TENT4A: variants seen among roughly 807,000 people sequenced by gnomAD.
The protein encoded by TENT4A is terminal nucleotidyltransferase 4A, also known as DNA polymerase kappa.
Under a neutral mutation model 72.8 loss-of-function variants are expected in TENT4A, and 7 were observed. That is an observed-to-expected ratio of 0.10 (90% CI 0.05 to 0.18). The LOEUF is 0.18. Among genes scored for constraint, TENT4A ranks in the 10% least tolerant of loss-of-function variants. The pLI is 1.00. For synonymous variants in TENT4A, 456 were observed against 434.3 expected (o/e 1.05, Z -0.62); for missense variants, 831 against 1,017.7 (o/e 0.82, Z 2.50).
chr5:6,748,675 A>G (rs1307902451), intron 8 of TENT4A, 85 bp downstream of exon 8: 5 of 1,365,498 alleles, frequency 3.7e-6, no homozygotes, highest in Non-Finnish European at 5.1e-6. Flanking sequence ...CCTCCATGAA[A>G]TTTATGAAGG....
intron 1 of TENT4A, among the ~76,000 whole-genome samples, chr5:6,728,116 G>A (rs1741026703): frequency 6.6e-6 from 1 of 152,258 alleles, no homozygotes; most frequent in Middle Eastern, 3.4e-3. Flanking sequence ...GGGCTGCAGA[G>A]CTGCAGCTGC....
chr5:6,724,231 G>A (rs752948894), intron 1 of TENT4A, among the ~76,000 whole-genome samples: 1 of 152,208 alleles, frequency 6.6e-6, no homozygotes, highest in African/African-American at 2.4e-5. Flanking sequence ...GAGGGCACTG[G>A]TATGTTGGAG....
At chr5:6,728,245 C>G (rs1741037670) in intron 1 of TENT4A, among the ~76,000 whole-genome samples, 1 of 146,612 alleles carries the variant, frequency 6.8e-6, no homozygotes, top group South Asian at 2.2e-4. Context: ...CAGTGAGTGT[C>G]TGGTCACAGC....
At chr5:6,747,424 TAAAA>T (rs918944915) in intron 7 of TENT4A, among the ~76,000 whole-genome samples, 4 of 152,176 alleles carry the variant, frequency 2.6e-5, no homozygotes, top group African/African-American at 9.7e-5. Context: ...CCTATACATT[TAAAA>T]AAACACCTCA....
intron 8 of TENT4A, among the ~76,000 whole-genome samples, chr5:6,749,202 G>A (rs28381403): frequency 0.019 from 2,854 of 152,200 alleles, 35 homozygotes; most frequent in South Asian, 0.049. Context: ...GTTTTCAGGC[G>A]GAGCTCTGGG....
chr5:6,746,072 TC>T, intron 6 of TENT4A, 141 bp from the exon 7 acceptor site: 1 of 1,511,122 alleles, frequency 6.6e-7, no homozygotes, highest in South Asian at 1.3e-5. Context: ...TGTTCAGGCT[TC>T]CTCGTGGTGC....
intron 2 of TENT4A, among the ~76,000 whole-genome samples, chr5:6,738,100 A>T (rs1452329363): frequency 1.3e-5 from 2 of 152,168 alleles, no homozygotes; most frequent in African/African-American, 4.8e-5. Flanking sequence ...CAGTGAAGGA[A>T]CAAGTGTTTT....
intron 1 of TENT4A, among the ~76,000 whole-genome samples, chr5:6,721,305 T>C (rs1416483538): frequency 2.6e-5 from 4 of 152,252 alleles, no homozygotes; most frequent in Non-Finnish European, 4.4e-5. Context: ...TTTTGTTGTT[T>C]GTCTTAGAAT....
chr5:6,747,207 G>A (rs1196016695), intron 7 of TENT4A, among the ~76,000 whole-genome samples: 6 of 152,150 alleles, frequency 3.9e-5, no homozygotes, highest in Non-Finnish European at 5.9e-5. Flanking sequence ...GTTGGCGGAC[G>A]GGTGACAGAA....
At chr5:6,717,963 A>G (rs1293918721) in intron 1 of TENT4A, among the ~76,000 whole-genome samples, 1 of 152,238 alleles carries the variant, frequency 6.6e-6, no homozygotes, top group East Asian at 1.9e-4. Context: ...AGACCCAGGA[A>G]GAATGTAGTT....
chr5:6,730,895 C>A (rs1163437507), intron 1 of TENT4A, among the ~76,000 whole-genome samples: 2 of 151,884 alleles, frequency 1.3e-5, no homozygotes, highest in African/African-American at 4.8e-5. Flanking sequence ...TAAATGGATA[C>A]TTTAAAGAGG....
intron 5 of TENT4A, 22 bp from the exon 6 acceptor site, chr5:6,743,690 C>G: frequency 6.4e-7 from 1 of 1,565,514 alleles, no homozygotes; most frequent in East Asian, 2.3e-5. Flanking sequence ...CTCAGTAAAT[C>G]TTTTTCTTTT....
At chr5:6,717,744 C>T (rs1373431800) in intron 1 of TENT4A, among the ~76,000 whole-genome samples, 1 of 152,236 alleles carries the variant, frequency 6.6e-6, no homozygotes, top group East Asian at 1.9e-4. Context: ...GGTGTTTGGA[C>T]AGGCCCTGGG....
At chr5:6,719,369 A>G (rs1276375285) in intron 1 of TENT4A, among the ~76,000 whole-genome samples, 1 of 152,220 alleles carries the variant, frequency 6.6e-6, no homozygotes, top group Non-Finnish European at 1.5e-5. Flanking sequence ...TTAAGAAAAA[A>G]AAACAGCAAA....
chr5:6,752,401 A>G (rs532129396), intron 11 of TENT4A, among the ~76,000 whole-genome samples: 7 of 152,382 alleles, frequency 4.6e-5, no homozygotes, highest in African/African-American at 1.7e-4. Context: ...GGTTCTCGTT[A>G]GCGCACTTCT....
rs1740255513 is a variant in TENT4A at position 6,714,448 on chromosome 5, C to T, written c.465C>T (p.Gly155=). The change falls in exon 1 of 13, where the codon GGC becomes GGT. Residue 155 remains glycine (G), a synonymous_variant. Coordinates refer to ENST00000230859, the MANE Select transcript of TENT4A (RefSeq NM_006999.6). ...GCGCCTTCTTCAACTTCGCCGACGG[C>T]GCGCCCAGCGCCCCTGGCACAGCCA... ...RGGAFFNFAD[G]APSAPGTANG... 1 of 1,174,426 alleles carries T rather than the reference C, an allele frequency of 8.5e-7. No individual in the cohort carries two copies. The highest frequency in any genetic ancestry group is 1.1e-6 in the Non-Finnish European group (1 of 951,314). 72.8% of individuals were successfully genotyped at this position (1,174,426 alleles called of 1,614,324 possible).
intron 12 of TENT4A, among the ~76,000 whole-genome samples, chr5:6,753,239 A>G (rs777096416): frequency 5.3e-5 from 8 of 152,258 alleles, no homozygotes; most frequent in Non-Finnish European, 1.0e-4. Context: ...ATATAGTTTA[A>G]TTGGTTGCCA....
Position 6,751,079 on chromosome 5 carries a change from A to G in TENT4A, c.1901A>G (p.Gln634Arg), listed in dbSNP as rs775122783. ...TPPCTTPSVY[Q>R]FSLQAPAPLM... ...CCCTGCACAACGCCCAGTGTTTACCAGTTCAGTCTGCAAGCGCCAGCTCCT... is the reference window on the plus strand; with the variant it reads ...CCCTGCACAACGCCCAGTGTTTACCGGTTCAGTCTGCAAGCGCCAGCTCCT... The change falls in exon 11 of 13, where the codon CAG becomes CGG. Residue 634 changes from glutamine to arginine, a missense_variant. Physicochemically the swap from Gln to Arg is conservative, Grantham distance 43. This residue lies in a region of TENT4A where 332 missense variants were observed against 324.3 expected (regional missense o/e 1.02). Transcript: ENST00000230859. 1.2e-6 allele frequency: 2 copies of G among 1,614,178 alleles called. No individual in the cohort carries two copies. Among genetic ancestry groups the G allele is most frequent in the South Asian group, 2.2e-5 (2 of 91,090 alleles).
chr5:6,730,311 A>G (rs1741145585), intron 1 of TENT4A, among the ~76,000 whole-genome samples: 1 of 152,148 alleles, frequency 6.6e-6, no homozygotes, highest in African/African-American at 2.4e-5. Flanking sequence ...GAAGGGGAAA[A>G]AAGGCTTACA....
Sources: allele counts gnomAD v4.1 joint callset (sites outside exome capture counted in the v4.1 genomes callset), GRCh38; gene constraint gnomAD v4.1.1; regional missense constraint gnomAD v4.1.1; transcripts MANE v1.5; gene names NCBI Gene and HGNC (gene_info 2026-07-23, HGNC 2026-07-21).